Variants in TLE6 observed in about 807,000 individuals in gnomAD.
The protein encoded by TLE6 is TLE family member 6, subcortical maternal complex member.
A neutral mutation model predicts 77.1 loss-of-function variants in TLE6; 72 were observed. The ratio of observed to expected loss-of-function variants is 0.93; its 90% CI spans 0.77 to 1.14. The LOEUF (loss-of-function observed/expected upper bound fraction) is 1.14, where lower values mean the gene tolerates loss of function less well. TLE6 is among the 50% of genes most tolerant of loss of function. TLE6 has a pLI of 0.00. For missense variants in TLE6, 843 were observed against 747.6 expected (o/e 1.13, Z -1.49); for synonymous variants, 366 against 287.3 (o/e 1.27, Z -2.77).
chr19:2,993,268 A>G (rs923420912), intron 14 of TLE6, among the ~76,000 whole-genome samples, 164 bp from the exon 15 acceptor site: 1 of 152,170 alleles, frequency 6.6e-6, no homozygotes, highest in Non-Finnish European at 1.5e-5. Flanking sequence ...CATTTTACAC[A>G]CCAACAAACT....
At chr19:2,985,391 C>T (rs1341606104) in intron 5 of TLE6, among the ~76,000 whole-genome samples, 1 of 138,960 alleles carries the variant, frequency 7.2e-6, no homozygotes, top group African/African-American at 2.7e-5. Context: ...TGTTTTGCTG[C>T]TTGAAGCCTT....
intron 3 of TLE6, among the ~76,000 whole-genome samples, chr19:2,981,113 C>G (rs1314819809): frequency 1.3e-5 from 2 of 151,808 alleles, no homozygotes; most frequent in Non-Finnish European, 2.9e-5. Flanking sequence ...AATCCCAGCA[C>G]TTTGGGAGGC....
rs1009150441 is a variant in TLE6, at chr19:2,982,160, C to T, written c.193C>T (p.Gln65Ter). 4.4e-5 allele frequency: 68 copies of T among 1,551,428 alleles called. No homozygotes were observed. Among genetic ancestry groups the T allele is most frequent in the Non-Finnish European group, 5.8e-5 (66 of 1,146,960 alleles). ...TTTCCCTTTGCAGCTGCACAAGATC[C>T]AGCAGGATGTGGCAGAACATCACAA... ...ESIYYSLHKI[Q>*]QDVAEHHKQI... is the part of the protein sequence containing the mutation. The change falls in exon 5 of 17, where the codon CAG (glutamine) becomes TAG (stop). Residue 65 changes from glutamine (Q) to a stop codon, truncating the protein, a stop_gained. Transcript: ENST00000246112. LOFTEE classifies it high-confidence loss of function.
Position 2,995,043 on chromosome 19 carries a change from T to G in TLE6, c.*39T>G. On this transcript the variant is annotated 3_prime_UTR_variant, in exon 17 of 17. Coordinates refer to ENST00000246112, the MANE Select transcript of TLE6 (RefSeq NM_001143986.2). ...TGTCATCCCACTCCGGCTCCTCTTTTCATCCCCCCCCTTCCCCCCCCCCAA... is the reference window on the plus strand; with the variant it reads ...TGTCATCCCACTCCGGCTCCTCTTTGCATCCCCCCCCTTCCCCCCCCCCAA... The G allele has an allele frequency of 1.6e-6, 2 of 1,284,362 alleles. No individual in the cohort carries two copies. The highest frequency in any genetic ancestry group is 2.6e-5 in the East Asian group (1 of 38,852). 79.6% of individuals were successfully genotyped at this position (1,284,362 alleles called of 1,614,324 possible).
rs189747525 is a variant in TLE6 at position 2,994,124 on chromosome 19, G to A, written c.1614+29G>A. On this transcript the variant is annotated intron_variant, in intron 16 of 16. Coordinates refer to ENST00000246112, the MANE Select transcript of TLE6 (RefSeq NM_001143986.2). ...CTGCGGTGGGCTGGGGGCAGGACCC[G>A]GGGGTGGCCCCAAAGGGACCAGCCT... The A allele has an allele frequency of 1.5e-3, 2,322 of 1,576,888 alleles. 5 individuals are homozygous for A. Among genetic ancestry groups the A allele is most frequent in the Non-Finnish European group, 1.6e-3 (1,909 of 1,160,782 alleles).
chr19:2,991,376 G>GTGTA (rs1491247309), intron 13 of TLE6, among the ~76,000 whole-genome samples: 1 of 105,540 alleles, frequency 9.5e-6, no homozygotes, highest in East Asian at 3.0e-4. Flanking sequence ...AAAAAAATAC[G>GTGTA]TATATATATA....
Position 2,994,169 on chromosome 19 carries a change from T to C in TLE6, c.1614+74T>C, listed in dbSNP as rs1389962677. The stretch of plus-strand genomic sequence containing the variant: ...CAGCCTGGGCAACACAGCAAGACCC[T>C]GTCTCCACAAAAAACTTAAAAAGTA... On this transcript the variant is annotated intron_variant, in intron 16 of 16. Transcript: ENST00000246112. The C allele has an allele frequency of 3.8e-6, 5 of 1,319,862 alleles. No individual in the cohort carries two copies. The East Asian group carries it at 9.8e-5, about 26-fold the overall frequency. The allele number at this position is 1,319,862 out of a possible 1,614,324, so 81.8% of individuals were successfully genotyped here. A position where few individuals can be genotyped will look rare whatever the true frequency, so the allele number is the denominator to read the frequency against.
intron 2 of TLE6, 61 bp from the exon 3 acceptor site, chr19:2,980,039 C>T: frequency 1.5e-6 from 2 of 1,368,292 alleles, no homozygotes; most frequent in Non-Finnish European, 2.0e-6. Context: ...GAGGTGGAGA[C>T]CGGGGGTCTT....
At position 2,980,103 on chromosome 19, in the gene TLE6, T is replaced by A; in HGVS notation, c.55T>A (p.Cys19Ser). 3.2e-6 allele frequency: 5 copies of A among 1,550,400 alleles called. No individual in the cohort carries two copies. The highest frequency in any genetic ancestry group is 4.4e-6 in the Non-Finnish European group (5 of 1,146,108). ...PKGPPKSTSP[C>S]PGISNSESSP... ...AACCTTGCTTTGACCTTTCCAGCCT[T>A]GTCCTGGGATCTCGAACTCTGAGAG... The change falls in exon 3 of 17, where the codon TGT becomes AGT. Residue 19 changes from cysteine to serine, a missense_variant. Transcript: ENST00000246112.
chr19:2,986,503 C>G (rs1000480362), intron 5 of TLE6, among the ~76,000 whole-genome samples: 5 of 151,926 alleles, frequency 3.3e-5, no homozygotes, highest in African/African-American at 9.7e-5. Flanking sequence ...CACCTGAGGT[C>G]AGGAGTTGGA....
At chr19:2,988,628 C>T (rs2088970665) in intron 11 of TLE6, among the ~76,000 whole-genome samples, 2 of 152,038 alleles carry the variant, frequency 1.3e-5, no homozygotes, top group Admixed American at 6.6e-5. Context: ...CTCACAGGAT[C>T]GCCGCCCCAA....
chr19:2,988,357 G>T (rs2088964644), intron 11 of TLE6, among the ~76,000 whole-genome samples: 1 of 152,162 alleles, frequency 6.6e-6, no homozygotes, highest in Non-Finnish European at 1.5e-5. Context: ...AGCACTTTGG[G>T]AGGCCGAGGC....
intron 4 of TLE6, 32 bp downstream of exon 4, chr19:2,981,615 A>G: frequency 6.4e-7 from 1 of 1,550,554 alleles, no homozygotes; most frequent in Non-Finnish European, 8.7e-7. Context: ...CCAACCAAGG[A>G]GGGCCCCACT....
At chr19:2,988,217 G>C in intron 11 of TLE6, 89 bp downstream of exon 11, 1 of 1,336,956 alleles carries the variant, frequency 7.5e-7, no homozygotes, top group Non-Finnish European at 1.0e-6. Flanking sequence ...CACATAGAGG[G>C]GAACAGAGGT....
chr19:2,991,051 T>C (rs371229079), intron 13 of TLE6, among the ~76,000 whole-genome samples: 48,250 of 148,182 alleles, frequency 0.33, 9,971 homozygotes, highest in African/African-American at 0.57. Context: ...CATATATGTA[T>C]ACACACACAC....
Position 2,987,050 on chromosome 19 carries a change from C to T in TLE6, c.353C>T (p.Ser118Leu), listed in dbSNP as rs759272620. Residue 118 changes from serine (S) to leucine (L), a missense_variant, in exon 7 of 17, where the codon TCG (serine) becomes TTG (leucine). Transcript: ENST00000246112. ...GTGAAGGACAAGACCCTGCAGGAGT[C>T]GAGCTTTGAGGACATCATGGCCACC... is the stretch of plus-strand genomic sequence containing the variant. ...QQVKDKTLQESSFEDIMATRS... is the reference protein window; with the variant it reads ...QQVKDKTLQELSFEDIMATRS... The T allele has an allele frequency of 2.4e-5, 38 of 1,613,982 alleles. No individual in the cohort carries two copies. In the Admixed American group the frequency reaches 5.0e-4, roughly 21 times the overall value.
chr19:2,983,134 G>A (rs2088833125), intron 5 of TLE6, among the ~76,000 whole-genome samples: 1 of 152,234 alleles, frequency 6.6e-6, no homozygotes, highest in African/African-American at 2.4e-5. Context: ...AACTTAGCAG[G>A]GCCTGGGAGG....
At chr19:2,993,044 A>AAC (rs2089117825) in intron 14 of TLE6, among the ~76,000 whole-genome samples, 1 of 149,992 alleles carries the variant, frequency 6.7e-6, no homozygotes, top group African/African-American at 2.4e-5. Context: ...AAAAAAAAAA[A>AAC]AAAAAAAAAC....
At chr19:2,990,954 C>G (rs1436090177) in intron 13 of TLE6, among the ~76,000 whole-genome samples, 1 of 149,702 alleles carries the variant, frequency 6.7e-6, no homozygotes, top group Non-Finnish European at 1.5e-5. Flanking sequence ...AAGATGGTGC[C>G]ACTGCACTCC....
Sources: gnomAD v4.1 joint callset for allele counts (sites outside exome capture counted in the v4.1 genomes callset) on GRCh38, gnomAD v4.1.1 for gene constraint, MANE v1.5 for transcripts, NCBI Gene and HGNC (gene_info 2026-07-23, HGNC 2026-07-21) for gene names.